The following SOX6 variants were observed in gnomAD, a reference collection of about 807,000 sequenced individuals.
SOX6 encodes the protein SRY-box transcription factor 6, also known as transcription factor SOX-6.
Under a neutral mutation model 97.8 loss-of-function variants are expected in SOX6, and 11 were observed. The observed-to-expected ratio is 0.11, with a 90% CI of 0.07 to 0.19. The LOEUF (loss-of-function observed/expected upper bound fraction) is 0.19. Among genes scored for constraint, SOX6 ranks in the 10% least tolerant of loss-of-function variants. The pLI is 1.00. For synonymous variants in SOX6, 360 were observed against 371.4 expected (o/e 0.97, Z 0.35); for missense variants, 810 against 1,039.5 (o/e 0.78, Z 3.04).
rs1170865282 is a variant in SOX6, at chr11:15,973,085, T to A, written c.2211A>T (p.Thr737=). 5 of 1,614,050 alleles carry A rather than the reference T, an allele frequency of 3.1e-6. No homozygotes were observed. Among genetic ancestry groups the A allele is most frequent in the Non-Finnish European group, 4.2e-6 (5 of 1,180,046 alleles). The part of the protein sequence containing the change: ...VGQQPQIPIT[T]GTGVVYPGAI... ...CACCAGGATACACAACACCTGTTCC[T>A]GTGGTGATTGGAATCTGAGGCTGTT... Residue 737 remains threonine (T), a synonymous_variant, in exon 16 of 16, where the codon ACA becomes ACT. Transcript: ENST00000683767.
At chr11:16,233,126 T>C (rs1477653805) in intron 4 of SOX6, among the ~76,000 whole-genome samples, 6 of 152,172 alleles carry the variant, frequency 3.9e-5, no homozygotes, top group Non-Finnish European at 8.8e-5. Context: ...TAGATAATTA[T>C]TATCAAATTT....
At chr11:16,381,572 T>C (rs1327763998) in intron 1 of SOX6, among the ~76,000 whole-genome samples, 1 of 151,990 alleles carries the variant, frequency 6.6e-6, no homozygotes, top group East Asian at 1.9e-4. Context: ...TTTTCTTCCA[T>C]CTCTAGAAAG....
intron 1 of SOX6, among the ~76,000 whole-genome samples, chr11:16,384,367 C>T (rs1423495508): frequency 6.6e-6 from 1 of 151,746 alleles, no homozygotes; most frequent in Admixed American, 6.6e-5. Context: ...ACCTCCATGA[C>T]ATCCTAGAAG....
chr11:16,437,414 A>G (rs1452346995), intron 1 of SOX6, among the ~76,000 whole-genome samples: 1 of 152,182 alleles, frequency 6.6e-6, no homozygotes, highest in Non-Finnish European at 1.5e-5. Context: ...TGTGAGCTCC[A>G]TGACAGCAGA....
intron 4 of SOX6, among the ~76,000 whole-genome samples, chr11:16,604,904 T>C (rs1041070869): frequency 1.3e-5 from 2 of 152,176 alleles, no homozygotes; most frequent in African/African-American, 4.8e-5. Flanking sequence ...ATCTTAAAGC[T>C]CTGCGGAGCG....
chr11:16,218,221 T>G (rs1852429211), intron 4 of SOX6, among the ~76,000 whole-genome samples: 1 of 152,242 alleles, frequency 6.6e-6, no homozygotes, highest in Non-Finnish European at 1.5e-5. Context: ...GGGCCACTTT[T>G]TTTTACTGAA....
chr11:16,363,285 T>G (rs532086263), intron 1 of SOX6, among the ~76,000 whole-genome samples: 1 of 152,294 alleles, frequency 6.6e-6, no homozygotes, highest in Non-Finnish European at 1.5e-5. Context: ...TGGAGAAAAC[T>G]TCTTTAGAGA....
intron 1 of SOX6, among the ~76,000 whole-genome samples, chr11:16,737,749 T>C (rs1198470662): frequency 6.6e-6 from 1 of 152,120 alleles, no homozygotes; most frequent in Non-Finnish European, 1.5e-5. Context: ...GAGGGATTGC[T>C]AACGGGCATT....
intron 3 of SOX6, among the ~76,000 whole-genome samples, chr11:16,647,083 A>G (rs1423255936): frequency 6.6e-6 from 1 of 152,122 alleles, no homozygotes; most frequent in Non-Finnish European, 1.5e-5. Context: ...TCATTCTTGC[A>G]GAAGTAAGGT....
chr11:16,707,280 A>G (rs1186090574), intron 3 of SOX6, among the ~76,000 whole-genome samples: 1 of 152,144 alleles, frequency 6.6e-6, no homozygotes, highest in African/African-American at 2.4e-5. Flanking sequence ...AACTTAGTAC[A>G]CTATGCAAAT....
intron 4 of SOX6, among the ~76,000 whole-genome samples, chr11:16,222,027 G>C (rs1294468900): frequency 1.3e-5 from 2 of 152,064 alleles, no homozygotes; most frequent in Non-Finnish European, 2.9e-5. Flanking sequence ...CGAAAAGGTT[G>C]TAAAATACTC....
chr11:16,618,253 C>A (rs940090135), intron 3 of SOX6, among the ~76,000 whole-genome samples: 3 of 151,758 alleles, frequency 2.0e-5, no homozygotes, highest in Non-Finnish European at 4.4e-5. Context: ...TCTTTTATTG[C>A]ACATTTCAAT....
rs916546648 is a variant in SOX6, at chr11:16,144,726, A to G, written c.778-32803T>C. On this transcript the variant is annotated intron_variant, in intron 6 of 15. Transcript: ENST00000683767. ...ATCAGAGAATATTATCAACAACTCT[A>G]TGCAAATAAACTAGAAAATCTAGAA... 2.0e-5 allele frequency among the ~76,000 whole-genome samples: 3 copies of G among 152,262 alleles called. No homozygotes were observed. In the East Asian group the frequency reaches 5.8e-4, roughly 29 times the overall value.
intron 13 of SOX6, among the ~76,000 whole-genome samples, chr11:15,997,787 C>G (rs566445433): frequency 7.9e-5 from 12 of 152,278 alleles, no homozygotes; most frequent in African/African-American, 2.6e-4. Context: ...GATGTCCACT[C>G]TCACCATTGT....
At chr11:16,000,983 A>G (rs557180181) in intron 13 of SOX6, among the ~76,000 whole-genome samples, 2 of 152,030 alleles carry the variant, frequency 1.3e-5, no homozygotes, top group South Asian at 4.1e-4. Flanking sequence ...CAGCCTCCCG[A>G]GTAACTGGAA....
intron 4 of SOX6, among the ~76,000 whole-genome samples, chr11:16,562,599 G>A (rs963644812): frequency 6.6e-6 from 1 of 151,888 alleles, no homozygotes; most frequent in Non-Finnish European, 1.5e-5. Flanking sequence ...GCTTTAATGA[G>A]GTACCCAATA....
At chr11:16,545,320 C>T (rs1057317811) in intron 4 of SOX6, among the ~76,000 whole-genome samples, 45 of 148,818 alleles carry the variant, frequency 3.0e-4, no homozygotes, top group Non-Finnish European at 4.5e-4. Context: ...GATCCAAAAA[C>T]TTTAACAAAG....
intron 3 of SOX6, among the ~76,000 whole-genome samples, chr11:16,244,766 GT>G (rs1389849962): frequency 2.0e-5 from 3 of 151,678 alleles, no homozygotes; most frequent in African/African-American, 7.2e-5. Flanking sequence ...GTGTGTGTGT[GT>G]TTGTGTGTGT....
chr11:16,624,013 T>C (rs1019336372), intron 3 of SOX6, among the ~76,000 whole-genome samples: 1 of 152,188 alleles, frequency 6.6e-6, no homozygotes, highest in Non-Finnish European at 1.5e-5. Context: ...GCAATCATCA[T>C]TGTGATTGCT....
Sources: allele counts gnomAD v4.1 joint callset (sites outside exome capture counted in the v4.1 genomes callset), GRCh38; gene constraint gnomAD v4.1.1; transcripts MANE v1.5; gene names NCBI Gene and HGNC (gene_info 2026-07-23, HGNC 2026-07-21).